SSR1: variants seen among roughly 807,000 people sequenced by gnomAD.
SSR1 encodes signal sequence receptor subunit 1.
In SSR1, 13 loss-of-function variants were observed where a neutral mutation model predicts 36.1. The observed-to-expected ratio is 0.36, with a 90% CI of 0.23 to 0.57. The LOEUF is 0.57. Among genes scored for constraint, SSR1 ranks in the 20% least tolerant of loss-of-function variants. The pLI, the probability that SSR1 is intolerant of heterozygous loss-of-function variation, is 0.81. For synonymous variants in SSR1, 113 were observed against 118.9 expected (o/e 0.95, Z 0.32); for missense variants, 291 against 338.5 (o/e 0.86, Z 1.10).
chr6:7,309,859 G>A lies in SSR1; in HGVS notation c.192+58C>T, dbSNP rs1758149355. 2.3e-6 allele frequency: 3 copies of A among 1,332,146 alleles called. No individual in the cohort carries two copies. In the African/African-American group the frequency reaches 4.3e-5, roughly 19 times the overall value. 82.5% of individuals were successfully genotyped at this position (1,332,146 alleles called of 1,614,324 possible). ...GGGTATGTCTTTATTAGCAGCATGA[G>A]AACAGATGAATACAATTACATACAT... On this transcript the variant is annotated intron_variant, in intron 2 of 7. Transcript: ENST00000244763.
Position 7,313,097 on chromosome 6 carries a change from C to G in SSR1, c.24G>C (p.Leu8=), listed in dbSNP as rs373547211. The part of the protein sequence containing the change: MRLLPRL[L]LLLLLVFPAT... ...CAGGGAACACGAGTAAGAGAAGCAG[C>G]AGCAAGCGGGGGAGGAGTCTCATGG... The change falls in exon 1 of 8, where the codon CTG becomes CTC. Residue 8 remains leucine (L), a synonymous_variant. Coordinates refer to ENST00000244763, the MANE Select transcript of SSR1 (RefSeq NM_003144.5). 6.2e-7 allele frequency: 1 copy of G among 1,608,028 alleles called. No homozygotes were observed. The highest frequency in any genetic ancestry group is 1.3e-5 in the African/African-American group (1 of 74,308).
intron 2 of SSR1, among the ~76,000 whole-genome samples, chr6:7,306,512 A>G (rs983565417): frequency 3.3e-5 from 5 of 152,200 alleles, no homozygotes; most frequent in African/African-American, 1.2e-4. Flanking sequence ...ATTAAAACAA[A>G]AACCTCTCTC....
chr6:7,289,780 A>C lies in SSR1; in HGVS notation c.*84T>G, dbSNP rs1310258892. 7.9e-7 allele frequency: 1 copy of C among 1,269,910 alleles called. No individual in the cohort carries two copies. Among genetic ancestry groups the C allele is most frequent in the Non-Finnish European group, 1.1e-6 (1 of 917,098 alleles). The allele number at this position is 1,269,910 out of a possible 1,614,324, so 78.7% of individuals were successfully genotyped here. On this transcript the variant is annotated 3_prime_UTR_variant, in exon 8 of 8. Transcript: ENST00000244763. ...AGTAGGAGTTGCCTTCTATGGTGAC[A>C]TGGCTTCTCTGCACTAATTCCCATC...
At chr6:7,293,214 C>T (rs1429083546) in intron 7 of SSR1, among the ~76,000 whole-genome samples, 1 of 150,744 alleles carries the variant, frequency 6.6e-6, no homozygotes, top group Non-Finnish European at 1.5e-5. Flanking sequence ...TATTATTTCA[C>T]TAGTTTTGAG....
chr6:7,305,797 A>G (rs997836055), intron 2 of SSR1, among the ~76,000 whole-genome samples: 2 of 152,220 alleles, frequency 1.3e-5, no homozygotes, highest in African/African-American at 2.4e-5. Context: ...ACTTTCTGAC[A>G]CTGAAGGCAA....
intron 4 of SSR1, among the ~76,000 whole-genome samples, chr6:7,300,623 C>A (rs892450396): frequency 6.6e-6 from 1 of 152,024 alleles, no homozygotes; most frequent in Non-Finnish European, 1.5e-5. Flanking sequence ...AAAGGAGGTA[C>A]AAAACAAATT....
chr6:7,295,374 G>A lies in SSR1; in HGVS notation c.793+18C>T. ...CTTAAGAGAAAAACTTCCCAGCCAAGTCTGTAAGACTACTTACTGATTTGA... is the reference window on the plus strand; with the variant it reads ...CTTAAGAGAAAAACTTCCCAGCCAAATCTGTAAGACTACTTACTGATTTGA... On this transcript the variant is annotated intron_variant, in intron 7 of 7. Transcript: ENST00000244763. 2 of 1,565,592 alleles carry A rather than the reference G, an allele frequency of 1.3e-6. No homozygotes were observed. The highest frequency in any genetic ancestry group is 1.2e-5 in the South Asian group (1 of 86,324).
chr6:7,294,469 C>A (rs1052150101), intron 7 of SSR1, among the ~76,000 whole-genome samples: 1 of 152,118 alleles, frequency 6.6e-6, no homozygotes, highest in African/African-American at 2.4e-5. Flanking sequence ...TAGCGGATCA[C>A]TTGAGGTCAG....
At chr6:7,294,720 G>A (rs1757757357) in intron 7 of SSR1, among the ~76,000 whole-genome samples, 1 of 141,006 alleles carries the variant, frequency 7.1e-6, no homozygotes, top group African/African-American at 2.8e-5. Flanking sequence ...TAAATAAATA[G>A]GATTAATGAA....
At chr6:7,299,675 C>G (rs551863755) in intron 4 of SSR1, among the ~76,000 whole-genome samples, 7 of 145,788 alleles carry the variant, frequency 4.8e-5, no homozygotes, top group Admixed American at 2.1e-4. Flanking sequence ...GCAACAAGAG[C>G]GAAACTCCCA....
rs1285657621 is a variant in SSR1, at chr6:7,303,550, C to T, written c.280G>A (p.Asp94Asn). The T allele has an allele frequency of 6.2e-7, 1 of 1,604,818 alleles. No homozygotes were observed. Among genetic ancestry groups the T allele is most frequent in the Non-Finnish European group, 8.5e-7 (1 of 1,175,126 alleles). ...ATTAAAACTAATACTTCTGTATTACCTTCTCCTTTTACAAACAGTATAGTT... is the reference window on the plus strand; with the variant it reads ...ATTAAAACTAATACTTCTGTATTACTTTCTCCTTTTACAAACAGTATAGTT... ...DTTILFVKGE[D>N]FPANNIVKFL... The change falls in exon 3 of 8, where the codon GAT becomes AAT. Residue 94 changes from aspartate to asparagine, a missense_variant and splice_region_variant. Transcript: ENST00000244763.
At chr6:7,300,011 GAAGGA>G (rs1757898576) in intron 4 of SSR1, among the ~76,000 whole-genome samples, 1 of 151,922 alleles carries the variant, frequency 6.6e-6, no homozygotes, top group African/African-American at 2.4e-5. Flanking sequence ...GAATTTAAAA[GAAGGA>G]ACTAAAACTT....
At chr6:7,300,884 C>T (rs533594274) in intron 4 of SSR1, among the ~76,000 whole-genome samples, 59 of 152,314 alleles carry the variant, frequency 3.9e-4, no homozygotes, top group Admixed American at 1.5e-3. Context: ...CTCAGGTGAT[C>T]CACCCACCTC....
At position 7,282,803 on chromosome 6, in the gene SSR1, A is replaced by T. The variant is rs1757456921; in HGVS notation, c.*7061T>A. 6.6e-6 allele frequency: 1 copy of T among 152,262 alleles called. No individual in the cohort carries two copies. Among genetic ancestry groups the T allele is most frequent in the Non-Finnish European group, 1.5e-5 (1 of 68,054 alleles). The allele number at this position is 152,262 out of a possible 1,614,324, so 9.4% of individuals were successfully genotyped here. On this transcript the variant is annotated 3_prime_UTR_variant, in exon 8 of 8. Transcript: ENST00000244763. Reference sequence around the variant, plus strand: ...AAGGGCCAGCAGCTTGTAGGACCAAATGAGAAAAATACATAATCATTATGT... The same window carrying T: ...AAGGGCCAGCAGCTTGTAGGACCAATTGAGAAAAATACATAATCATTATGT...
intron 7 of SSR1, chr6:7,295,031 C>T: frequency 7.0e-7 from 1 of 1,424,410 alleles, no homozygotes; most frequent in Non-Finnish European, 9.2e-7. Flanking sequence ...TATTTACGTG[C>T]TATTTGAGAG....
At chr6:7,296,709 A>G (rs1430165499) in intron 6 of SSR1, among the ~76,000 whole-genome samples, 1 of 142,634 alleles carries the variant, frequency 7.0e-6, no homozygotes, top group Non-Finnish European at 1.5e-5. Flanking sequence ...AGGGAAGGAA[A>G]GGAGGAGGGT....
At chr6:7,305,678 A>G (rs142583489) in intron 2 of SSR1, among the ~76,000 whole-genome samples, 260 of 152,360 alleles carry the variant, frequency 1.7e-3, no homozygotes, top group African/African-American at 5.8e-3. Flanking sequence ...CTTAGAAGAG[A>G]ACAAGGACAA....
intron 2 of SSR1, among the ~76,000 whole-genome samples, chr6:7,308,663 C>T (rs536098054): frequency 2.0e-5 from 3 of 152,244 alleles, no homozygotes; most frequent in African/African-American, 7.2e-5. Flanking sequence ...TCTTCTCTAA[C>T]CCCCTTATTC....
chr6:7,286,916 C>CAAAAAAA lies in SSR1; in HGVS notation c.*2941_*2947dup, dbSNP rs55986029. On this transcript the variant is annotated 3_prime_UTR_variant, in exon 8 of 8. Transcript: ENST00000244763. ...GACACAGAGACTCCGTCTCAGGGGGCAAAAAAAAAAAAAAAAAAAAAAGTA... is the reference window on the plus strand; with the variant it reads ...GACACAGAGACTCCGTCTCAGGGGGCAAAAAAAAAAAAAAAAAAAAAAAAAAAAAGTA... The CAAAAAAA allele has an allele frequency of 1.1e-5, 1 of 87,890 alleles. No individual in the cohort carries two copies. Among genetic ancestry groups the CAAAAAAA allele is most frequent in the Non-Finnish European group, 2.1e-5 (1 of 48,644 alleles). The allele number at this position is 87,890 out of a possible 1,614,324, so 5.4% of individuals were successfully genotyped here. A position where few individuals can be genotyped will look rare whatever the true frequency, so the allele number is the denominator to read the frequency against.
Sources: allele counts gnomAD v4.1 joint callset (sites outside exome capture counted in the v4.1 genomes callset), GRCh38; gene constraint gnomAD v4.1.1; transcripts MANE v1.5; gene names NCBI Gene and HGNC (gene_info 2026-07-23, HGNC 2026-07-21).